The following KDM1A variants were observed in gnomAD, a reference collection of about 807,000 sequenced individuals.
KDM1A encodes lysine-specific histone demethylase 1A.
KDM1A carries 49 observed loss-of-function variants against 109.4 expected under a neutral mutation model. The ratio of observed to expected loss-of-function variants is 0.45; its 90% confidence interval spans 0.36 to 0.57. The LOEUF (loss-of-function observed/expected upper bound fraction) is 0.57, where lower values mean the gene tolerates loss of function less well. KDM1A is among the 20% of genes least tolerant of loss of function. The pLI, the probability that KDM1A is intolerant of heterozygous loss-of-function variation, is 0.00. For synonymous variants in KDM1A, 380 were observed against 415.4 expected, an observed-to-expected ratio of 0.91 and a Z score of 1.04; for missense variants, 668 against 1,116.6, an observed-to-expected ratio of 0.60 and a Z score of 5.73.
At chr1:23,073,509 A>T in intron 15 of KDM1A, 106 bp downstream of exon 15, 1 of 690,490 alleles carries the variant, frequency 1.4e-6, no homozygotes, top group Admixed American at 2.2e-5. Flanking sequence ...AGTAAGAGAC[A>T]TCATTTACAT....
chr1:23,070,196 G>A (rs569737140), intron 12 of KDM1A, among the ~76,000 whole-genome samples: 2 of 152,334 alleles, frequency 1.3e-5, no homozygotes, highest in South Asian at 4.1e-4. Context: ...CTTTGGCCAG[G>A]CACAGTGGCT....
In KDM1A at chr1:23,045,161, A is replaced by C. The variant is rs114237440; in HGVS notation, c.577+675A>C. On this transcript the variant is annotated intron_variant, in intron 3 of 20. Transcript: ENST00000400181. ...AGTTAAAATTTATCCCAGCAATCCA[A>C]AATAACGTATCTGGATTTCATCCTT... 6.2e-3 allele frequency among the ~76,000 whole-genome samples: 944 copies of C among 152,312 alleles called. 6 individuals carry two copies. The highest frequency in any genetic ancestry group is 0.022 in the African/African-American group (898 of 41,564).
chr1:23,053,245 T>A (rs1320944578), intron 4 of KDM1A, among the ~76,000 whole-genome samples: 1 of 152,216 alleles, frequency 6.6e-6, no homozygotes, highest in Non-Finnish European at 1.5e-5. Flanking sequence ...TTAGGCTAAA[T>A]AACCCCAGCT....
chr1:23,071,437 G>A (rs1231422064), intron 13 of KDM1A, 78 bp downstream of exon 13: 8 of 1,393,658 alleles, frequency 5.7e-6, no homozygotes, highest in Non-Finnish European at 5.8e-6. Context: ...TTTTGGAAAA[G>A]AGAGCCACTA....
In KDM1A at chr1:23,078,980, A is replaced by G. The variant is rs1413812871; in HGVS notation, c.1868-10A>G. On this transcript the variant is annotated splice_polypyrimidine_tract_variant and intron_variant, in intron 16 of 20. Transcript: ENST00000400181. ...ATCACCACTAGTCTTTTCCCACCCA[A>G]CCTCTGCAGGATGTGAAGTGATAGC... 2 of 1,609,756 alleles carry G rather than the reference A, an allele frequency of 1.2e-6. No homozygotes were observed. Among genetic ancestry groups the G allele is most frequent in the East Asian group, 2.2e-5 (1 of 44,826 alleles).
chr1:23,058,534 A>G (rs1297678937), intron 8 of KDM1A, among the ~76,000 whole-genome samples: 1 of 151,930 alleles, frequency 6.6e-6, no homozygotes, highest in African/African-American at 2.4e-5. Context: ...TTTTAATAGA[A>G]ACAGGGTCTT....
chr1:23,052,258 A>G (rs1308451309), intron 4 of KDM1A, among the ~76,000 whole-genome samples: 2 of 152,222 alleles, frequency 1.3e-5, no homozygotes, highest in Non-Finnish European at 2.9e-5. Context: ...TCTAGTCTTA[A>G]ACTATAATAC....
At chr1:23,070,365 G>T (rs1369811856) in intron 12 of KDM1A, among the ~76,000 whole-genome samples, 2 of 152,146 alleles carry the variant, frequency 1.3e-5, no homozygotes, top group African/African-American at 2.4e-5. Context: ...CAGTTACTCA[G>T]GAGGCTGAGG....
intron 14 of KDM1A, 138 bp downstream of exon 14, chr1:23,072,335 G>A: frequency 3.0e-6 from 2 of 664,856 alleles, no homozygotes; most frequent in South Asian, 1.9e-5. Flanking sequence ...AAATGAATGT[G>A]TGACTACTTT....
intron 15 of KDM1A, among the ~76,000 whole-genome samples, chr1:23,074,251 T>C (rs1643400981): frequency 6.6e-6 from 1 of 152,232 alleles, no homozygotes; most frequent in South Asian, 2.1e-4. Flanking sequence ...TTTGAGTAAA[T>C]GTCTGCTCAG....
intron 3 of KDM1A, among the ~76,000 whole-genome samples, chr1:23,046,806 G>T (rs1642516019): frequency 6.6e-6 from 1 of 152,206 alleles, no homozygotes; most frequent in African/African-American, 2.4e-5. Context: ...CCTGTATAAA[G>T]GTGGTGAGCA....
chr1:23,020,025 C>G, intron 1 of KDM1A, 78 bp downstream of exon 1: 2 of 1,375,296 alleles, frequency 1.5e-6, no homozygotes, highest in Non-Finnish European at 1.9e-6. Context: ...CCCCCGCCGC[C>G]GCCGGGTCTT....
chr1:23,083,250 G>A lies in KDM1A; in HGVS notation c.2517G>A (p.Leu839=), dbSNP rs751427550. 7 of 1,613,964 alleles carry A rather than the reference G, an allele frequency of 4.3e-6. No individual in the cohort carries two copies. The Admixed American group carries it at 1.0e-4, about 23-fold the overall frequency. The change falls in exon 21 of 21, where the codon CTG becomes CTA. Residue 839 remains leucine (L), a synonymous_variant. Coordinates refer to ENST00000400181, the MANE Select transcript of KDM1A (RefSeq NM_001009999.3). The part of the protein sequence containing the change: ...RNYPATVHGA[L]LSGLREAGRI... The stretch of plus-strand genomic sequence containing the variant: ...ACCCAGCCACAGTGCATGGTGCTCT[G>A]CTGAGTGGGCTGCGAGAAGCGGGAA...
chr1:23,038,498 A>T (rs1345617511), intron 2 of KDM1A, among the ~76,000 whole-genome samples: 1 of 152,168 alleles, frequency 6.6e-6, no homozygotes, highest in African/African-American at 2.4e-5. Context: ...ATAACATCTG[A>T]ATTGTAAGCT....
intron 18 of KDM1A, among the ~76,000 whole-genome samples, chr1:23,080,275 C>CT (rs1239576505): frequency 1.3e-5 from 2 of 152,154 alleles, no homozygotes; most frequent in Non-Finnish European, 2.9e-5. Context: ...CCCAGAGCCT[C>CT]TAACTTCACA....
chr1:23,019,653 CG>C lies in KDM1A; in HGVS notation c.60del (p.Thr21ArgfsTer81). 1 of 1,407,990 alleles carries C rather than the reference CG, an allele frequency of 7.1e-7. No individual in the cohort carries two copies. The highest frequency in any genetic ancestry group is 9.2e-7 in the Non-Finnish European group (1 of 1,087,920). The allele number at this position is 1,407,990 out of a possible 1,614,324, so 87.2% of individuals were successfully genotyped here. A position where few individuals can be genotyped will look rare whatever the true frequency, so the allele number is the denominator to read the frequency against. ...CGGCGGCGGCTGCAGCGGCAGCAAC[CG>C]GGACGGAGGCTGGCCCTGGGACAGC... ...AAAAAAAAAT[G>X]TEAGPGTAGG... On this transcript the variant is annotated frameshift_variant, in exon 1 of 21. Transcript: ENST00000400181. LOFTEE classifies it high-confidence loss of function.
chr1:23,083,540 C>T lies in KDM1A; in HGVS notation c.*176C>T. 1.9e-6 allele frequency: 1 copy of T among 517,696 alleles called. No individual in the cohort carries two copies. Among genetic ancestry groups the T allele is most frequent in the Non-Finnish European group, 3.4e-6 (1 of 297,900 alleles). The allele number at this position is 517,696 out of a possible 1,614,324, so 32.1% of individuals were successfully genotyped here. A position where few individuals can be genotyped will look rare whatever the true frequency, so the allele number is the denominator to read the frequency against. ...TGCCTCCTTTGAATGACCTAGAGCA[C>T]AGGGAGGAACTTGTCCATTAGTTTG... On this transcript the variant is annotated 3_prime_UTR_variant, in exon 21 of 21. Coordinates refer to ENST00000400181, the MANE Select transcript of KDM1A (RefSeq NM_001009999.3).
chr1:23,036,906 C>T (rs61670500), intron 2 of KDM1A, among the ~76,000 whole-genome samples: 1 of 151,998 alleles, frequency 6.6e-6, no homozygotes, highest in Non-Finnish European at 1.5e-5. Context: ...TATTATTGTA[C>T]GATGATAATT....
chr1:23,073,401 C>CA lies in KDM1A; in HGVS notation c.1733dup (p.Asp579GlyfsTer2), dbSNP rs1297116846. ...AACTCTCTCCCTTAAGCACTGGGAT[C>CA]AGGTAAGTTTCCCTTATTGTTTATT... On this transcript the variant is annotated frameshift_variant and splice_region_variant, in exon 15 of 21. Transcript: ENST00000400181. LOFTEE classifies it high-confidence loss of function. 6.4e-7 allele frequency: 1 copy of CA among 1,552,936 alleles called. No individual in the cohort carries two copies. The highest frequency in any genetic ancestry group is 1.7e-5 in the Admixed American group (1 of 59,802).
Sources: gnomAD v4.1 joint callset for allele counts (sites outside exome capture counted in the v4.1 genomes callset) on GRCh38, gnomAD v4.1.1 for gene constraint, MANE v1.5 for transcripts, NCBI Gene and HGNC (gene_info 2026-07-23, HGNC 2026-07-21) for gene names.